The following PRDM5 variants were observed in gnomAD, a reference collection of about 807,000 sequenced individuals.
The protein encoded by PRDM5 is PR/SET domain 5.
A neutral mutation model predicts 81.2 loss-of-function variants in PRDM5; 56 were observed. The observed-to-expected ratio is 0.69, with a 90% CI of 0.56 to 0.86. PRDM5 has a LOEUF of 0.86. Ranked by LOEUF, PRDM5 falls within the 40% of genes least tolerant of loss-of-function variation. The pLI is 0.00. For synonymous variants in PRDM5, 267 were observed against 256.4 expected, an observed-to-expected ratio of 1.04 and a Z score of -0.39; for missense variants, 697 against 770.1, an observed-to-expected ratio of 0.91 and a Z score of 1.12.
In PRDM5 at chr4:120,825,251, G is replaced by A. The variant is rs575958323; in HGVS notation, c.301-3906C>T. Among the ~76,000 whole-genome samples the A allele has an allele frequency of 3.3e-5, 5 of 152,264 alleles. No homozygotes were observed. In the South Asian group the frequency reaches 1.0e-3, roughly 32 times the overall value. On this transcript the variant is annotated intron_variant, in intron 3 of 15. Transcript: ENST00000264808. ...TGGTAATATTTGCAAAGTCTAGCCA[G>A]ATGCCCTACATGTGGAAAGCATTCA...
At chr4:120,808,586 C>A (rs892923070) in intron 8 of PRDM5, among the ~76,000 whole-genome samples, 11 of 152,170 alleles carry the variant, frequency 7.2e-5, no homozygotes, top group African/African-American at 2.4e-5. Flanking sequence ...GTGGAGCTGC[C>A]TGCCAGTCCC....
At chr4:120,782,532 C>T (rs1044927636) in intron 11 of PRDM5, among the ~76,000 whole-genome samples, 3 of 151,868 alleles carry the variant, frequency 2.0e-5, no homozygotes, top group Non-Finnish European at 4.4e-5. Context: ...TAGAATTATC[C>T]CTCTCTAACT....
chr4:120,917,537 ATTTTC>A (rs1724329522), intron 1 of PRDM5, among the ~76,000 whole-genome samples: 2 of 152,082 alleles, frequency 1.3e-5, no homozygotes. Flanking sequence ...CAGAATACCT[ATTTTC>A]TTAACTATTG....
chr4:120,823,608 T>G (rs1755580554), intron 3 of PRDM5, among the ~76,000 whole-genome samples: 1 of 152,184 alleles, frequency 6.6e-6, no homozygotes, highest in Non-Finnish European at 1.5e-5. Context: ...ACTGCACTAA[T>G]TTTTGATCAT....
intron 14 of PRDM5, among the ~76,000 whole-genome samples, chr4:120,734,255 GT>G (rs749803235): frequency 6.2e-5 from 9 of 144,190 alleles, no homozygotes; most frequent in African/African-American, 1.0e-4. Context: ...TTGTTTGTTT[GT>G]TTTTTTTTTA....
chr4:120,912,801 G>A (rs906652916), intron 1 of PRDM5, among the ~76,000 whole-genome samples: 4 of 152,104 alleles, frequency 2.6e-5, no homozygotes, highest in Non-Finnish European at 4.4e-5. Flanking sequence ...ACATATAGAT[G>A]AAATAAATAC....
At chr4:120,769,225 T>C (rs926640802) in intron 13 of PRDM5, among the ~76,000 whole-genome samples, 12 of 152,156 alleles carry the variant, frequency 7.9e-5, no homozygotes, top group African/African-American at 7.2e-5. Flanking sequence ...AGCCAGGCAG[T>C]GTGCTGAATG....
At chr4:120,734,831 C>CCGAGGTAAG (rs1465090149) in intron 14 of PRDM5, among the ~76,000 whole-genome samples, 18 of 152,208 alleles carry the variant, frequency 1.2e-4, no homozygotes, top group Non-Finnish European at 4.4e-5. Context: ...TCCTCCTATG[C>CCGAGGTAAG]TGAGGTAAGT....
chr4:120,770,324 C>T (rs1209242943), intron 13 of PRDM5, among the ~76,000 whole-genome samples: 1 of 152,054 alleles, frequency 6.6e-6, no homozygotes, highest in African/African-American at 2.4e-5. Context: ...CCACCGCACC[C>T]GACCCCTATT....
chr4:120,713,751 C>A (rs980077474), intron 14 of PRDM5, among the ~76,000 whole-genome samples: 2 of 152,130 alleles, frequency 1.3e-5, no homozygotes, highest in African/African-American at 2.4e-5. Context: ...TAATGCTTGT[C>A]TTAGTCATTT....
intron 1 of PRDM5, among the ~76,000 whole-genome samples, chr4:120,919,554 G>C (rs1053468550): frequency 1.3e-5 from 2 of 152,140 alleles, no homozygotes; most frequent in Non-Finnish European, 2.9e-5. Flanking sequence ...CCCACTGGTG[G>C]TTAATCATAT....
At chr4:120,831,931 T>C (rs1206040062) in intron 3 of PRDM5, among the ~76,000 whole-genome samples, 1 of 151,914 alleles carries the variant, frequency 6.6e-6, no homozygotes, top group African/African-American at 2.4e-5. Context: ...AAAAAGAGAG[T>C]GTCAACTAAA....
chr4:120,803,957 C>A (rs1752517250), intron 8 of PRDM5, among the ~76,000 whole-genome samples: 3 of 152,040 alleles, frequency 2.0e-5, no homozygotes, highest in Admixed American at 6.6e-5. Context: ...TTCAGGAGAC[C>A]CATCTCACGT....
At chr4:120,835,195 C>A (rs753099189) in intron 3 of PRDM5, among the ~76,000 whole-genome samples, 60 of 152,074 alleles carry the variant, frequency 3.9e-4, no homozygotes, top group Middle Eastern at 3.4e-3. Context: ...TTACAGTATT[C>A]CTAAAGAGTG....
At position 120,887,786 on chromosome 4, in the gene PRDM5, CTTTTT is replaced by C. The variant is rs773355512; in HGVS notation, c.177+19683_177+19687del. Reference sequence around the variant, plus strand: ...AAACCCACAGCCTAGACATTTTATCCTTTTTTTTTTTTTTTTTTTTTTTTGAGACG... The same window carrying C: ...AAACCCACAGCCTAGACATTTTATCCTTTTTTTTTTTTTTTTTTTGAGACG... On this transcript the variant is annotated intron_variant, in intron 2 of 15. Transcript: ENST00000264808. 1.2e-4 allele frequency among the ~76,000 whole-genome samples: 10 copies of C among 85,184 alleles called. 3 individuals are homozygous for C. The highest frequency in any genetic ancestry group is 1.4e-4 in the African/African-American group (2 of 14,124). The allele number at this position is 85,184 out of a possible 152,430, so 55.9% of individuals were successfully genotyped here.
At chr4:120,855,240 A>T (rs1759741873) in intron 2 of PRDM5, among the ~76,000 whole-genome samples, 1 of 152,210 alleles carries the variant, frequency 6.6e-6, no homozygotes, top group Non-Finnish European at 1.5e-5. Flanking sequence ...CTGTTTTCTT[A>T]AGTGCCCAAG....
chr4:120,843,553 A>C (rs886642126), intron 3 of PRDM5, among the ~76,000 whole-genome samples: 1 of 151,942 alleles, frequency 6.6e-6, no homozygotes, highest in Admixed American at 6.6e-5. Flanking sequence ...AAATTTAAAA[A>C]AGTAGATGGG....
In PRDM5 at chr4:120,811,333, T is replaced by TAG. The variant is rs1483320815; in HGVS notation, c.945+35_945+36dup. ...TAAAACATATTAAAATTATTAAAGA[T>TAG]AGATATTAAACTGTGATGAATTTTT... On this transcript the variant is annotated intron_variant, in intron 8 of 15. Coordinates refer to ENST00000264808, the MANE Select transcript of PRDM5 (RefSeq NM_018699.4). 3 of 1,290,786 alleles carry TAG rather than the reference T, an allele frequency of 2.3e-6. No individual in the cohort carries two copies. In the African/African-American group the frequency reaches 4.4e-5, roughly 19 times the overall value. The allele number at this position is 1,290,786 out of a possible 1,614,324, so 80.0% of individuals were successfully genotyped here. A position where few individuals can be genotyped will look rare whatever the true frequency, so the allele number is the denominator to read the frequency against.
intron 8 of PRDM5, among the ~76,000 whole-genome samples, chr4:120,803,450 C>T (rs1272210293): frequency 1.3e-5 from 2 of 152,076 alleles, no homozygotes; most frequent in Non-Finnish European, 1.5e-5. Context: ...TAAGGGCAGC[C>T]AGAGAGAAAG....
Sources: allele counts gnomAD v4.1 joint callset (sites outside exome capture counted in the v4.1 genomes callset), GRCh38; gene constraint gnomAD v4.1.1; transcripts MANE v1.5; gene names NCBI Gene and HGNC (gene_info 2026-07-23, HGNC 2026-07-21).